The following ASTN2 variants were observed in gnomAD, a reference collection of about 807,000 sequenced individuals.
ASTN2 encodes the protein astrotactin-2.
In ASTN2, 54 loss-of-function variants were observed where a neutral mutation model predicts 139.8. That is an observed-to-expected ratio of 0.39 (90% CI 0.31 to 0.48). ASTN2 has a LOEUF of 0.48. Ranked by LOEUF, ASTN2 falls within the 20% of genes least tolerant of loss-of-function variation. The pLI is 0.95. For missense variants in ASTN2, 1,565 were observed against 1,725.1 expected, an observed-to-expected ratio of 0.91 and a Z score of 1.64; for synonymous variants, 756 against 719.5, an observed-to-expected ratio of 1.05 and a Z score of -0.81.
chr9:116,430,051 C>A (rs1291878114), intron 22 of ASTN2, among the ~76,000 whole-genome samples: 1 of 152,108 alleles, frequency 6.6e-6, no homozygotes, highest in Non-Finnish European at 1.5e-5. Context: ...GGGATCAGAC[C>A]AGGCAGACTC....
intron 7 of ASTN2, among the ~76,000 whole-genome samples, chr9:116,993,852 T>TTATA (rs1468663808): frequency 6.7e-4 from 18 of 26,682 alleles, no homozygotes; most frequent in East Asian, 4.8e-3. Context: ...AGTATGTACA[T>TTATA]GATATATATA....
At chr9:116,733,314 A>G in intron 14 of ASTN2, 85 bp downstream of exon 14, 1 of 1,540,508 alleles carries the variant, frequency 6.5e-7, no homozygotes, top group Non-Finnish European at 8.9e-7. Flanking sequence ...CCCATCTTGG[A>G]TCTGCTGAAG....
intron 16 of ASTN2, among the ~76,000 whole-genome samples, chr9:116,683,467 T>C (rs1860014811): frequency 2.0e-5 from 3 of 152,220 alleles, no homozygotes; most frequent in Admixed American, 6.5e-5. Context: ...TTGTCATCCA[T>C]AGACATTTTG....
chr9:116,836,086 C>A (rs1831980979), intron 11 of ASTN2, among the ~76,000 whole-genome samples: 1 of 152,096 alleles, frequency 6.6e-6, no homozygotes, highest in African/African-American at 2.4e-5. Flanking sequence ...CCCAAAGGCC[C>A]CTCTTTTCAG....
chr9:117,115,840 A>G (rs1400966560), intron 4 of ASTN2, among the ~76,000 whole-genome samples: 1 of 151,982 alleles, frequency 6.6e-6, no homozygotes, highest in African/African-American at 2.4e-5. Flanking sequence ...CCTGGCTAAC[A>G]TGGTGAAAAC....
chr9:116,770,649 CT>C (rs1327202389), intron 13 of ASTN2, among the ~76,000 whole-genome samples: 1 of 152,150 alleles, frequency 6.6e-6, no homozygotes, highest in Non-Finnish European at 1.5e-5. Flanking sequence ...CAGTTCCAGG[CT>C]TTGAACACCT....
At chr9:117,104,712 C>T (rs544084730) in intron 4 of ASTN2, among the ~76,000 whole-genome samples, 40 of 152,260 alleles carry the variant, frequency 2.6e-4, no homozygotes, top group Non-Finnish European at 4.4e-4. Flanking sequence ...TGCTTTAAAA[C>T]ATTTCTTATT....
intron 10 of ASTN2, among the ~76,000 whole-genome samples, chr9:116,888,872 G>C (rs745643881): frequency 6.6e-6 from 1 of 151,950 alleles, no homozygotes; most frequent in African/African-American, 2.4e-5. Flanking sequence ...CCCCCTCAAG[G>C]TCCCAGTGTT....
chr9:117,198,115 T>G (rs10983572), intron 3 of ASTN2, among the ~76,000 whole-genome samples: 3 of 151,780 alleles, frequency 2.0e-5, no homozygotes, highest in African/African-American at 7.3e-5. Context: ...GTTTGTCACA[T>G]AGGTATACAT....
chr9:117,316,540 A>G (rs963640048), intron 1 of ASTN2, among the ~76,000 whole-genome samples: 7 of 152,122 alleles, frequency 4.6e-5, no homozygotes, highest in African/African-American at 1.7e-4. Flanking sequence ...TGACCATGGT[A>G]CTATATATAA....
chr9:117,276,828 C>A lies in ASTN2; in HGVS notation c.630+14498G>T, dbSNP rs36118207. On this transcript the variant is annotated intron_variant, in intron 2 of 22. Coordinates refer to ENST00000313400, the MANE Select transcript of ASTN2 (RefSeq NM_001365068.1). ...CTCTCCCTAGCTGTGTGGTCTTGGGCAAGGCCATTTCACTTGATGTACCAC... is the reference window on the plus strand; with the variant it reads ...CTCTCCCTAGCTGTGTGGTCTTGGGAAAGGCCATTTCACTTGATGTACCAC... Among the ~76,000 whole-genome samples, 187 of 152,270 alleles carry A rather than the reference C, an allele frequency of 1.2e-3. No homozygotes were observed. In the East Asian group the frequency reaches 0.025, roughly 20 times the overall value.
intron 13 of ASTN2, among the ~76,000 whole-genome samples, chr9:116,798,143 C>T (rs951414715): frequency 8.5e-5 from 13 of 152,144 alleles, no homozygotes; most frequent in East Asian, 3.9e-4. Flanking sequence ...TGGTGGCGCA[C>T]GCCTGTAATC....
chr9:117,189,797 GC>G (rs1382124404), intron 3 of ASTN2, among the ~76,000 whole-genome samples: 2 of 152,132 alleles, frequency 1.3e-5, no homozygotes, highest in African/African-American at 4.8e-5. Flanking sequence ...GCCAGCCTCT[GC>G]CTGGCTGGTA....
chr9:117,154,689 G>T (rs1830395262), intron 3 of ASTN2, among the ~76,000 whole-genome samples: 1 of 151,916 alleles, frequency 6.6e-6, no homozygotes. Context: ...AAAACAAATG[G>T]TTAAAACATG....
In ASTN2 at chr9:116,562,635, G is replaced by A. The variant is rs185889498; in HGVS notation, c.3355+55689C>T. Among the ~76,000 whole-genome samples the A allele has an allele frequency of 2.7e-3, 409 of 151,152 alleles. 2 individuals are homozygous for A. The highest frequency in any genetic ancestry group is 9.5e-3 in the African/African-American group (390 of 41,054). ...AATCCCAGTTACTCAGGAGGCTGAG[G>A]CAGAAAAATTGCTTGAAACTGGGAG... On this transcript the variant is annotated intron_variant, in intron 19 of 22. Transcript: ENST00000313400.
intron 20 of ASTN2, among the ~76,000 whole-genome samples, chr9:116,453,530 C>A (rs1459581621): frequency 2.3e-5 from 3 of 127,820 alleles, no homozygotes; most frequent in Non-Finnish European, 4.7e-5. Flanking sequence ...GGAGGTGGAG[C>A]TTGCAGCGAG....
intron 10 of ASTN2, among the ~76,000 whole-genome samples, chr9:116,922,606 G>A (rs988605021): frequency 1.3e-5 from 2 of 152,160 alleles, no homozygotes; most frequent in Admixed American, 1.3e-4. Context: ...GGCTGGTGGT[G>A]AAATGAATCA....
At chr9:116,981,192 C>A in intron 7 of ASTN2, among the ~76,000 whole-genome samples, 1 of 152,132 alleles carries the variant, frequency 6.6e-6, no homozygotes, top group South Asian at 2.1e-4. Flanking sequence ...TTCTTGATTG[C>A]AAAAACATTT....
At chr9:116,963,584 C>T (rs1010502436) in intron 10 of ASTN2, among the ~76,000 whole-genome samples, 22 of 152,208 alleles carry the variant, frequency 1.4e-4, no homozygotes, top group East Asian at 1.4e-3. Context: ...AGTGAGACTA[C>T]GTATGAGGGC....
Sources: allele counts gnomAD v4.1 joint callset (sites outside exome capture counted in the v4.1 genomes callset), GRCh38; gene constraint gnomAD v4.1.1; transcripts MANE v1.5; gene names NCBI Gene and HGNC (gene_info 2026-07-23, HGNC 2026-07-21).